Variants in PASD1 observed in about 807,000 individuals in gnomAD.
PASD1 encodes circadian clock protein PASD1.
A neutral mutation model predicts 58.8 loss-of-function variants in PASD1; 13 were observed. The ratio of observed to expected loss-of-function variants is 0.22; its 90% CI spans 0.14 to 0.35. The LOEUF is 0.35. PASD1 is among the 10% of genes least tolerant of loss of function. The pLI is 1.00. For missense variants in PASD1, 734 were observed against 568.3 expected (o/e 1.29, Z -2.96); for synonymous variants, 236 against 216.7 (o/e 1.09, Z -0.78).
intron 3 of PASD1, among the ~76,000 whole-genome samples, chrX:151,607,329 G>T (rs1419077860): frequency 9.0e-6 from 1 of 111,546 alleles, no homozygotes; most frequent in Non-Finnish European, 1.9e-5. Context: ...CTGTATTCTT[G>T]TTAGAACATA....
chrX:151,613,037 G>T (rs950993514), intron 4 of PASD1, among the ~76,000 whole-genome samples: 3 of 111,744 alleles, frequency 2.7e-5, no homozygotes, highest in East Asian at 2.8e-4. Flanking sequence ...TCAACATATG[G>T]CTAGCCCGTT....
chrX:151,672,244 T>G lies in PASD1; in HGVS notation c.1499T>G (p.Leu500Arg). 4 of 1,164,757 alleles carry G rather than the reference T, an allele frequency of 3.4e-6. No individual in the cohort carries two copies. Among genetic ancestry groups the G allele is most frequent in the Non-Finnish European group, 4.6e-6 (4 of 872,051 alleles). Residue 500 changes from leucine (L) to arginine (R), a missense_variant, in exon 14 of 16, where the codon CTG becomes CGG. By Grantham distance (102) the Leu-to-Arg change is moderately radical. Transcript: ENST00000370357. ...KEQQRQLREQ[L>R]QQLREQRKVQ... ...CAGCAGCGGCAGCTGCGGGAGCAGC[T>G]GCAACAGCTGAGAGAGCAAAGGAAG... is the stretch of plus-strand genomic sequence containing the variant.
intron 3 of PASD1, among the ~76,000 whole-genome samples, chrX:151,608,969 C>T (rs779787355): frequency 9.0e-6 from 1 of 111,394 alleles, no homozygotes; most frequent in South Asian, 3.7e-4. Flanking sequence ...AGAGGTTTGT[C>T]GATTTTAATG....
At chrX:151,597,526 A>G (rs1422097923) in intron 1 of PASD1, among the ~76,000 whole-genome samples, 2 of 111,501 alleles carry the variant, frequency 1.8e-5, no homozygotes, top group Admixed American at 9.5e-5. Flanking sequence ...TCATTCCAAA[A>G]TGTGTCCTCT....
rs772335785 is a variant in PASD1, at chrX:151,676,159, C to A, written c.*16C>A. 6.7e-6 allele frequency: 8 copies of A among 1,194,806 alleles called. No individual in the cohort carries two copies. In the South Asian group the frequency reaches 1.5e-4, roughly 22 times the overall value. On this transcript the variant is annotated 3_prime_UTR_variant, in exon 16 of 16. Transcript: ENST00000370357. ...GCCGTGCTAACAGTACTTTCATGAC[C>A]AGTGATGAGGGGAAATGGGGGGAGG...
intron 11 of PASD1, among the ~76,000 whole-genome samples, chrX:151,669,486 TTGTTCCTAACGTTTAAC>T (rs1353596034): frequency 2.7e-5 from 3 of 110,862 alleles, no homozygotes; most frequent in Non-Finnish European, 5.7e-5. Flanking sequence ...GTACTAGAAC[TTGTTCCTAACGTTTAAC>T]TGTATTTTGG....
chrX:151,668,975 C>T (rs892683162), intron 11 of PASD1, among the ~76,000 whole-genome samples: 1 of 107,019 alleles, frequency 9.3e-6, no homozygotes, highest in Non-Finnish European at 1.9e-5. Flanking sequence ...TCTCAAGCCT[C>T]AAGCAGTTCT....
At chrX:151,622,233 G>T (rs2013721701) in intron 6 of PASD1, among the ~76,000 whole-genome samples, 2 of 110,913 alleles carry the variant, frequency 1.8e-5, no homozygotes, top group African/African-American at 6.6e-5. Flanking sequence ...TGCAAGCTGA[G>T]AAATTAACAT....
chrX:151,667,943 C>T (rs5970090), intron 11 of PASD1, among the ~76,000 whole-genome samples: 2,325 of 111,379 alleles, frequency 0.021, 59 homozygotes, highest in African/African-American at 0.071. Flanking sequence ...TTGATGGGGA[C>T]GGCATTGAAT....
At chrX:151,622,617 A>ACT (rs1556169144) in intron 6 of PASD1, among the ~76,000 whole-genome samples, 1 of 104,906 alleles carries the variant, frequency 9.5e-6, no homozygotes, top group Non-Finnish European at 2.0e-5. Flanking sequence ...ACACACACAC[A>ACT]CTCCCACACA....
intron 1 of PASD1, among the ~76,000 whole-genome samples, chrX:151,585,626 A>G (rs1307507477): frequency 9.0e-6 from 1 of 111,403 alleles, no homozygotes; most frequent in Admixed American, 9.6e-5. Context: ...GATGGGATCC[A>G]AGGACAGACA....
At chrX:151,660,527 C>T (rs2014296270) in intron 10 of PASD1, among the ~76,000 whole-genome samples, 1 of 112,432 alleles carries the variant, frequency 8.9e-6, no homozygotes, top group Admixed American at 9.4e-5. Context: ...AAAATTCCTT[C>T]CAAAACAATT....
chrX:151,676,217 A>T lies in PASD1; in HGVS notation c.*74A>T, dbSNP rs2014544041. 2 of 1,071,151 alleles carry T rather than the reference A, an allele frequency of 1.9e-6. No individual in the cohort carries two copies. Among genetic ancestry groups the T allele is most frequent in the Non-Finnish European group, 2.5e-6 (2 of 795,542 alleles). The allele number at this position is 1,071,151 out of a possible 1,213,427, so 88.3% of individuals were successfully genotyped here. ...CCAATGAGGTCTGCATGGCCAGGGG[A>T]CCTTCAAGGTGCGTAAAGTCCCTTG... On this transcript the variant is annotated 3_prime_UTR_variant, in exon 16 of 16. Coordinates refer to ENST00000370357, the MANE Select transcript of PASD1 (RefSeq NM_173493.3).
At chrX:151,618,845 G>T (rs761831263) in intron 4 of PASD1, among the ~76,000 whole-genome samples, 6 of 108,755 alleles carry the variant, frequency 5.5e-5, no homozygotes, top group Non-Finnish European at 9.6e-5. Context: ...AGTGCAGTGA[G>T]AGAGAGAGAG....
intron 8 of PASD1, among the ~76,000 whole-genome samples, chrX:151,638,395 T>C (rs1335169948): frequency 9.3e-6 from 1 of 107,114 alleles, no homozygotes; most frequent in Non-Finnish European, 1.9e-5. Flanking sequence ...TATACATATG[T>C]AACAAACCTG....
intron 11 of PASD1, 66 bp downstream of exon 11, chrX:151,664,414 A>T (rs1808403595): frequency 8.5e-7 from 1 of 1,176,136 alleles, no homozygotes; most frequent in Non-Finnish European, 1.1e-6. Context: ...CAAAGCCCAA[A>T]TTTTCACTCT....
intron 3 of PASD1, among the ~76,000 whole-genome samples, chrX:151,609,900 A>G (rs58448897): frequency 0.07 from 7,605 of 109,278 alleles, 255 homozygotes; most frequent in African/African-American, 0.12. Flanking sequence ...AGAGTTTTCT[A>G]TAGCAGCTTT....
chrX:151,637,363 T>C (rs1266879959), intron 8 of PASD1, among the ~76,000 whole-genome samples: 1 of 111,236 alleles, frequency 9.0e-6, no homozygotes, highest in African/African-American at 3.3e-5. Flanking sequence ...TATGGGAGTT[T>C]TTGTTTGTTT....
intron 8 of PASD1, among the ~76,000 whole-genome samples, chrX:151,630,862 T>C (rs1341228580): frequency 8.9e-6 from 1 of 112,603 alleles, no homozygotes; most frequent in Non-Finnish European, 1.9e-5. Context: ...TAAAAATCTT[T>C]CATTTCAGGA....
Sources: gnomAD v4.1 joint callset for allele counts (sites outside exome capture counted in the v4.1 genomes callset) on GRCh38, gnomAD v4.1.1 for gene constraint, MANE v1.5 for transcripts, NCBI Gene and HGNC (gene_info 2026-07-23, HGNC 2026-07-21) for gene names.